Variants in PAICS observed in about 807,000 individuals in gnomAD.
The protein encoded by PAICS is bifunctional phosphoribosylaminoimidazole carboxylase/phosphoribosylaminoimidazole succinocarboxamide synthetase.
PAICS carries 33 observed loss-of-function variants against 53.7 expected under a neutral mutation model. That is an observed-to-expected ratio of 0.61 (90% CI 0.47 to 0.82). The LOEUF is 0.82. PAICS is among the 40% of genes least tolerant of loss of function. The pLI is 0.00. For synonymous variants in PAICS, 141 were observed against 167.2 expected (o/e 0.84, Z 1.21); for missense variants, 394 against 494.1 (o/e 0.80, Z 1.92).
the PAICS span, chr4:56,420,566 TAC>T: frequency 6.6e-6 from 1 of 152,136 alleles, no homozygotes; most frequent in Non-Finnish European, 1.5e-5. Flanking sequence ...ATAGAAACAG[TAC>T]AGTTATACAA....
chr4:56,435,380 A>G (rs1717851742), upstream of PAICS: 1 of 1,613,608 alleles, frequency 6.2e-7, no homozygotes, highest in Non-Finnish European at 8.5e-7. Flanking sequence ...TCCCAGAGTG[A>G]TCACATGCGG....
chr4:56,448,006 TC>T (rs1447539948), intron 3 of PAICS, among the ~76,000 whole-genome samples: 7 of 108,328 alleles, frequency 6.5e-5, no homozygotes, highest in South Asian at 3.1e-4. Flanking sequence ...AAATTTCTTT[TC>T]TTTTTTTTTT....
chr4:56,451,343 C>T (rs1443900632), intron 6 of PAICS, among the ~76,000 whole-genome samples: 1 of 152,082 alleles, frequency 6.6e-6, no homozygotes, highest in African/African-American at 2.4e-5. Context: ...GGATGGAACT[C>T]TGTGTGACTT....
chr4:56,426,027 A>G, the PAICS span, among the ~76,000 whole-genome samples: 5 of 152,214 alleles, frequency 3.3e-5, no homozygotes, highest in African/African-American at 1.2e-4. Flanking sequence ...ACTAAAGCGT[A>G]TAACTGTGGT....
chr4:56,419,589 T>C, the PAICS span: 1 of 797,302 alleles, frequency 1.3e-6, no homozygotes, highest in Non-Finnish European at 1.5e-6. Flanking sequence ...AATGCATATA[T>C]CTTTTACCTC....
chr4:56,458,332 T>G (rs1457557421), intron 8 of PAICS, among the ~76,000 whole-genome samples: 1 of 151,448 alleles, frequency 6.6e-6, no homozygotes, highest in Non-Finnish European at 1.5e-5. Flanking sequence ...AGAAAGGGAG[T>G]CCTGGGCAGG....
intron 1 of PAICS, among the ~76,000 whole-genome samples, chr4:56,439,388 CA>C (rs1268677004): frequency 2.0e-5 from 3 of 152,134 alleles, no homozygotes; most frequent in African/African-American, 7.2e-5. Flanking sequence ...AGGCGTGCAC[CA>C]ACACATCCGG....
At chr4:56,444,625 G>A (rs1022706525) in intron 2 of PAICS, among the ~76,000 whole-genome samples, 1 of 152,014 alleles carries the variant, frequency 6.6e-6, no homozygotes, top group Non-Finnish European at 1.5e-5. Context: ...GATAAACAAT[G>A]GGAATTTTTT....
rs946153478 is a variant in PAICS, at chr4:56,453,761, G to A, written c.1111G>A (p.Gly371Ser). Reference protein sequence around the residue: ...DVWSSLRLPSGLGCSTVLSPE... With the variant: ...DVWSSLRLPSSLGCSTVLSPE... ...GTGGTCTTCTCTTCGACTACCCAGT[G>A]GTAAGATACATTGAATTTTTAAAAA... The change falls in exon 8 of 9, where the codon GGT (glycine) becomes AGT (serine). Residue 371 changes from glycine to serine, a missense_variant and splice_region_variant. Gly to Ser is a moderately conservative substitution (Grantham distance 56, BLOSUM62 0). This residue lies in a region of PAICS where 95 missense variants were observed against 89.3 expected (regional missense o/e 1.06). Transcript: ENST00000512576. The A allele has an allele frequency of 6.5e-7, 1 of 1,534,194 alleles. No individual in the cohort carries two copies. The highest frequency in any genetic ancestry group is 1.2e-5 in the South Asian group (1 of 83,104).
intron 8 of PAICS, among the ~76,000 whole-genome samples, chr4:56,457,569 G>A (rs1007523802): frequency 6.6e-6 from 1 of 151,784 alleles, no homozygotes; most frequent in African/African-American, 2.4e-5. Context: ...AAAGGTATCT[G>A]GTGCCACTAA....
chr4:56,417,003 T>C, the PAICS span, among the ~76,000 whole-genome samples: 21 of 152,140 alleles, frequency 1.4e-4, no homozygotes, highest in Non-Finnish European at 2.8e-4. Flanking sequence ...GAGCGCACCA[T>C]CACGCCCAGC....
rs376941844 is a variant in PAICS at position 56,450,769 on chromosome 4, GAA to G, written c.771+75_771+76del. On this transcript the variant is annotated intron_variant, in intron 6 of 8. Coordinates refer to ENST00000512576, the MANE Select transcript of PAICS (RefSeq NM_001079524.2). ...CTTCTAAGAAAATCTTGTTTCAAAA[GAA>G]AAAAAAATGGGAGAGTATAGTGCTT... The G allele has an allele frequency of 1.3e-5, 10 of 793,072 alleles. No individual in the cohort carries two copies. In the African/African-American group the frequency reaches 1.6e-4, roughly 13 times the overall value. 49.1% of individuals were successfully genotyped at this position (793,072 alleles called of 1,614,324 possible). A position where few individuals can be genotyped will look rare whatever the true frequency, so the allele number is the denominator to read the frequency against.
At chr4:56,436,863 G>GGC (rs1466992588) in intron 1 of PAICS, among the ~76,000 whole-genome samples, 2 of 131,092 alleles carry the variant, frequency 1.5e-5, no homozygotes, top group Non-Finnish European at 3.1e-5. Context: ...TGGACGTGGT[G>GGC]GCGCGCGCCT....
chr4:56,461,235 G>T lies in PAICS; in HGVS notation c.*1697G>T, dbSNP rs974286259. 6.6e-6 allele frequency: 1 copy of T among 152,190 alleles called. No homozygotes were observed. The highest frequency in any genetic ancestry group is 2.4e-5 in the African/African-American group (1 of 41,450). The allele number at this position is 152,190 out of a possible 1,614,324, so 9.4% of individuals were successfully genotyped here. On this transcript the variant is annotated 3_prime_UTR_variant, in exon 9 of 9. Coordinates refer to ENST00000512576, the MANE Select transcript of PAICS (RefSeq NM_001079524.2). Reference sequence around the variant, plus strand: ...GTACACTTTATTTCCCTCACACTGTGTTATGCTCTGATGTGCTATGCTTAG... The same window carrying T: ...GTACACTTTATTTCCCTCACACTGTTTTATGCTCTGATGTGCTATGCTTAG...
In PAICS at chr4:56,459,893, ATTTTT is replaced by A; in HGVS notation, c.*368_*372del. 4 of 139,870 alleles carry A rather than the reference ATTTTT, an allele frequency of 2.9e-5. No homozygotes were observed. Among genetic ancestry groups the A allele is most frequent in the Non-Finnish European group, 6.1e-5 (4 of 65,384 alleles). 8.7% of individuals were successfully genotyped at this position (139,870 alleles called of 1,614,324 possible). A position where few individuals can be genotyped will look rare whatever the true frequency, so the allele number is the denominator to read the frequency against. The stretch of plus-strand genomic sequence containing the variant: ...CCCAGCTATATTTCTCCAGACTTGC[ATTTTT>A]TTTTTTTTTTTTGAGACAGGGTCTC... On this transcript the variant is annotated 3_prime_UTR_variant, in exon 9 of 9. Transcript: ENST00000512576.
At chr4:56,428,650 T>C in the PAICS span, among the ~76,000 whole-genome samples, 1 of 152,140 alleles carries the variant, frequency 6.6e-6, no homozygotes. Context: ...ATTCTAGACA[T>C]TCCTCTTTGC....
intron 2 of PAICS, among the ~76,000 whole-genome samples, chr4:56,443,323 A>G (rs1409309173): frequency 6.6e-6 from 1 of 152,106 alleles, no homozygotes; most frequent in African/African-American, 2.4e-5. Flanking sequence ...CTGGGATTAC[A>G]GTTATAGGTG....
At chr4:56,420,653 C>A in the PAICS span, 2 of 151,922 alleles carry the variant, frequency 1.3e-5, no homozygotes, top group East Asian at 3.9e-4. Flanking sequence ...ATATGCAACC[C>A]CAGATGGCAG....
chr4:56,446,668 T>G (rs1464855109), intron 2 of PAICS, 27 bp from the exon 3 acceptor site: 2 of 1,466,270 alleles, frequency 1.4e-6, no homozygotes, highest in Non-Finnish European at 1.9e-6. Context: ...TTCAATACCT[T>G]TTTTAACTTT....
Sources: gnomAD v4.1 joint callset for allele counts (sites outside exome capture counted in the v4.1 genomes callset) on GRCh38, gnomAD v4.1.1 for gene constraint, gnomAD v4.1.1 regional missense constraint, MANE v1.5 for transcripts, NCBI Gene and HGNC (gene_info 2026-07-23, HGNC 2026-07-21) for gene names.